The following BOLL variants were observed in gnomAD, a reference collection of about 807,000 sequenced individuals.
The protein encoded by BOLL is boule RNA binding protein, also known as protein boule-like.
BOLL carries 23 observed loss-of-function variants against 44.4 expected under a neutral mutation model. The ratio of observed to expected loss-of-function variants is 0.52; its 90% CI spans 0.37 to 0.73. The LOEUF (loss-of-function observed/expected upper bound fraction) is 0.73. Among genes scored for constraint, BOLL ranks in the 30% least tolerant of loss-of-function variants. BOLL has a pLI of 0.00. For missense variants in BOLL, 287 were observed against 338.3 expected, an observed-to-expected ratio of 0.85 and a Z score of 1.19; for synonymous variants, 97 against 110.8, an observed-to-expected ratio of 0.88 and a Z score of 0.78.
chr2:197,751,889 C>G (rs1250767916), intron 9 of BOLL, among the ~76,000 whole-genome samples: 1 of 151,154 alleles, frequency 6.6e-6, no homozygotes. Flanking sequence ...AACATCGAAG[C>G]AAAAATCCTC....
intron 7 of BOLL, among the ~76,000 whole-genome samples, chr2:197,765,591 G>T (rs1224433372): frequency 6.7e-6 from 1 of 150,004 alleles, no homozygotes. Flanking sequence ...CCCATGAATA[G>T]GTATAATTAT....
rs1574783016 is a variant in BOLL at position 197,726,919 on chromosome 2, C to T, written c.*1636G>A. On this transcript the variant is annotated 3_prime_UTR_variant, in exon 11 of 11. Transcript: ENST00000392296. ...ATAATACATAATTAATTTTTATTAA[C>T]AGTCCAGGATTTGTTTAGCATCTTG... 2 of 152,552 alleles carry T rather than the reference C, an allele frequency of 1.3e-5. No homozygotes were observed. Among genetic ancestry groups the T allele is most frequent in the Non-Finnish European group, 2.9e-5 (2 of 68,014 alleles). The allele number at this position is 152,552 out of a possible 1,614,324, so 9.4% of individuals were successfully genotyped here. A position where few individuals can be genotyped will look rare whatever the true frequency, so the allele number is the denominator to read the frequency against.
At chr2:197,781,896 C>A in intron 1 of BOLL, 31 bp from the exon 2 acceptor site, 1 of 1,566,608 alleles carries the variant, frequency 6.4e-7, no homozygotes, top group Non-Finnish European at 8.7e-7. Flanking sequence ...ACACTTTTTG[C>A]ACTGGGTATA....
chr2:197,785,836 C>A, upstream of BOLL: 3 of 761,156 alleles, frequency 3.9e-6, no homozygotes, highest in South Asian at 3.0e-5. This position sits in a 1 kb window ranked among gnomAD's most constrained non-coding sequence, Gnocchi z 6.7. Flanking sequence ...TGGCAGCGGT[C>A]GATGGGGCAC....
intron 1 of BOLL, 102 bp downstream of exon 1, chr2:197,784,951 ACTC>A (rs1325790935): frequency 4.1e-6 from 4 of 985,774 alleles, no homozygotes; most frequent in Non-Finnish European, 4.8e-6. Context: ...TTATTAAACT[ACTC>A]CTCCAAAGCA....
At chr2:197,731,700 G>A (rs1003942387) in intron 10 of BOLL, among the ~76,000 whole-genome samples, 9 of 151,942 alleles carry the variant, frequency 5.9e-5, no homozygotes, top group African/African-American at 1.9e-4. Context: ...TGAACAACCT[G>A]CTCCTGAATG....
At chr2:197,742,763 A>G (rs985878840) in intron 10 of BOLL, among the ~76,000 whole-genome samples, 1 of 152,186 alleles carries the variant, frequency 6.6e-6, no homozygotes, top group Non-Finnish European at 1.5e-5. Flanking sequence ...ATGTATACAT[A>G]TGTAACAAAC....
At chr2:197,749,038 G>A (rs1688113642) in intron 9 of BOLL, among the ~76,000 whole-genome samples, 1 of 152,242 alleles carries the variant, frequency 6.6e-6, no homozygotes, top group Admixed American at 6.5e-5. Context: ...CCAGAAGAAG[G>A]AGCAGGCAGC....
At chr2:197,771,673 T>C (rs1689269372) in intron 6 of BOLL, among the ~76,000 whole-genome samples, 182 bp downstream of exon 6, 1 of 152,006 alleles carries the variant, frequency 6.6e-6, no homozygotes, top group Non-Finnish European at 1.5e-5. Flanking sequence ...CCTGAAGCTG[T>C]CTTACTTTAC....
At chr2:197,759,144 T>G in intron 7 of BOLL, 1 of 711,422 alleles carries the variant, frequency 1.4e-6, no homozygotes, top group South Asian at 1.8e-5. Context: ...GACAGGAGCA[T>G]CAAAAGGAGA....
At chr2:197,755,396 A>G (rs868810918) in intron 9 of BOLL, among the ~76,000 whole-genome samples, 14 of 152,386 alleles carry the variant, frequency 9.2e-5, no homozygotes, top group Middle Eastern at 6.8e-3. Context: ...ATTACTGGGT[A>G]TATACCCAAA....
upstream of BOLL, chr2:197,785,930 C>T: frequency 7.0e-7 from 1 of 1,436,988 alleles, no homozygotes; most frequent in Non-Finnish European, 9.7e-7. This position sits in a 1 kb window ranked among gnomAD's most constrained non-coding sequence, Gnocchi z 6.7. Flanking sequence ...AGGCTCCACG[C>T]TGCTCCTTCT....
chr2:197,754,748 A>G (rs1559403727), intron 9 of BOLL, among the ~76,000 whole-genome samples: 1 of 91,926 alleles, frequency 1.1e-5, no homozygotes, highest in African/African-American at 5.9e-5. Flanking sequence ...AAAAAACCCC[A>G]AAACACACAC....
At chr2:197,741,072 A>T (rs956156400) in intron 10 of BOLL, among the ~76,000 whole-genome samples, 1 of 152,130 alleles carries the variant, frequency 6.6e-6, no homozygotes, top group Non-Finnish European at 1.5e-5. Flanking sequence ...TACCTTGGGC[A>T]GTATGGCCAT....
chr2:197,781,613 G>T, intron 2 of BOLL, 109 bp downstream of exon 2: 1 of 1,098,622 alleles, frequency 9.1e-7, no homozygotes. Flanking sequence ...TTCAAAATCT[G>T]TTAATCATTA....
intron 6 of BOLL, among the ~76,000 whole-genome samples, chr2:197,771,495 T>TA (rs552047800): frequency 6.6e-6 from 1 of 151,162 alleles, no homozygotes; most frequent in Non-Finnish European, 1.5e-5. Flanking sequence ...TTAAAGTATA[T>TA]AAAAAAAAGA....
At chr2:197,747,368 G>T (rs1688034430) in intron 9 of BOLL, among the ~76,000 whole-genome samples, 1 of 152,010 alleles carries the variant, frequency 6.6e-6, no homozygotes, top group African/African-American at 2.4e-5. Context: ...CTGATTACGA[G>T]GTCAGGAGAT....
rs1472603644 is a variant in BOLL at position 197,777,060 on chromosome 2, T to A, written c.275A>T (p.Glu92Val). 2 of 1,572,438 alleles carry A rather than the reference T, an allele frequency of 1.3e-6. No individual in the cohort carries two copies. The highest frequency in any genetic ancestry group is 2.7e-5 in the African/African-American group (2 of 73,622). Residue 92 changes from glutamate (E) to valine (V), a missense_variant and splice_region_variant, in exon 4 of 11, where the codon GAG becomes GTG. Transcript: ENST00000392296. Reference protein sequence around the residue: ...TQEDAQKILQEAEKLNYKDKK... With the variant: ...TQEDAQKILQVAEKLNYKDKK... ...GTTAAATACACCAAAAGATCATACC[T>A]CTTGTAAAATTTTTTGTGCATCTTC...
chr2:197,765,035 A>G (rs1688929729), intron 7 of BOLL, among the ~76,000 whole-genome samples: 1 of 152,106 alleles, frequency 6.6e-6, no homozygotes, highest in African/African-American at 2.4e-5. Context: ...AAGGAGGAAT[A>G]GGGAGAGGTT....
Sources: gnomAD v4.1 joint callset for allele counts (sites outside exome capture counted in the v4.1 genomes callset) on GRCh38, gnomAD v4.1.1 for gene constraint, Gnocchi (gnomAD v3.1) non-coding constraint, MANE v1.5 for transcripts, NCBI Gene and HGNC (gene_info 2026-07-23, HGNC 2026-07-21) for gene names.